IGF2BP2: variants seen among roughly 807,000 people sequenced by gnomAD.
IGF2BP2 encodes the protein insulin-like growth factor 2 mRNA-binding protein 2.
IGF2BP2 carries 17 observed loss-of-function variants against 75.8 expected under a neutral mutation model. The observed-to-expected ratio is 0.22, with a 90% CI of 0.15 to 0.34. The LOEUF is 0.34. Ranked by LOEUF, IGF2BP2 falls within the 10% of genes least tolerant of loss-of-function variation. The probability of loss-of-function intolerance (pLI) is 1.00; values close to 1 mark genes in which losing one functional copy is unlikely to be tolerated. For missense variants in IGF2BP2, 516 were observed against 772.4 expected (o/e 0.67, Z 3.93); for synonymous variants, 288 against 295.6 (o/e 0.97, Z 0.26).
intron 2 of IGF2BP2, among the ~76,000 whole-genome samples, chr3:185,817,912 G>C (rs1001171802): frequency 5.9e-5 from 9 of 152,164 alleles, no homozygotes; most frequent in Non-Finnish European, 1.3e-4. Flanking sequence ...GCTTTTGAGA[G>C]ATAATGCTTT....
At chr3:185,757,218 A>T (rs1731736088) in intron 2 of IGF2BP2, among the ~76,000 whole-genome samples, 1 of 152,148 alleles carries the variant, frequency 6.6e-6, no homozygotes, top group Non-Finnish European at 1.5e-5. Context: ...TTCAGCTCAA[A>T]TCCAACCTCT....
intron 10 of IGF2BP2, among the ~76,000 whole-genome samples, chr3:185,667,875 C>G (rs931698513): frequency 6.6e-6 from 1 of 152,148 alleles, no homozygotes; most frequent in Non-Finnish European, 1.5e-5. Flanking sequence ...TCCAAATGCG[C>G]GTGCTCACTT....
intron 2 of IGF2BP2, among the ~76,000 whole-genome samples, chr3:185,800,751 G>C (rs1014974839): frequency 2.1e-5 from 2 of 94,384 alleles, no homozygotes; most frequent in Non-Finnish European, 4.5e-5. Context: ...AGTACTTGCT[G>C]AATACCTGGG....
At chr3:185,700,964 C>T (rs770891142) in intron 2 of IGF2BP2, among the ~76,000 whole-genome samples, 1 of 152,168 alleles carries the variant, frequency 6.6e-6, no homozygotes, top group Non-Finnish European at 1.5e-5. Flanking sequence ...ATTGATCCTG[C>T]TTTTAAAAAG....
intron 10 of IGF2BP2, among the ~76,000 whole-genome samples, chr3:185,660,543 A>G (rs1374310881): frequency 6.6e-6 from 1 of 152,190 alleles, no homozygotes; most frequent in African/African-American, 2.4e-5. Context: ...ACAGAGCTCC[A>G]CTTAACACGG....
chr3:185,645,704 C>T lies in IGF2BP2; in HGVS notation c.1708-81G>A. ...CTGAGGACAAACGGCAGGGGAGGCTCTGGGGCTTGGGGATGAAGGGTGGAA... is the reference window on the plus strand; with the variant it reads ...CTGAGGACAAACGGCAGGGGAGGCTTTGGGGCTTGGGGATGAAGGGTGGAA... On this transcript the variant is annotated intron_variant, in intron 15 of 15. Coordinates refer to ENST00000382199, the MANE Select transcript of IGF2BP2 (RefSeq NM_006548.6). The surrounding 1 kb of genome is among the most constrained non-coding windows in gnomAD (Gnocchi z 4.9). The T allele has an allele frequency of 1.9e-6, 2 of 1,028,968 alleles. No individual in the cohort carries two copies. Among genetic ancestry groups the T allele is most frequent in the Non-Finnish European group, 3.1e-6 (2 of 653,248 alleles). The allele number at this position is 1,028,968 out of a possible 1,614,324, so 63.7% of individuals were successfully genotyped here.
intron 2 of IGF2BP2, among the ~76,000 whole-genome samples, chr3:185,730,301 G>A (rs552096688): frequency 2.0e-5 from 3 of 152,208 alleles, no homozygotes; most frequent in Middle Eastern, 3.4e-3. Context: ...TTGTATGGCT[G>A]CATAGTATTC....
chr3:185,648,774 T>C (rs1714051156), intron 14 of IGF2BP2, among the ~76,000 whole-genome samples: 1 of 152,126 alleles, frequency 6.6e-6, no homozygotes, highest in African/African-American at 2.4e-5. Context: ...CACCTTCCAG[T>C]AGAAAATGCA....
chr3:185,736,121 G>A (rs1044917609), intron 2 of IGF2BP2, among the ~76,000 whole-genome samples: 2 of 152,118 alleles, frequency 1.3e-5, no homozygotes, highest in Non-Finnish European at 2.9e-5. Flanking sequence ...CCAGTTTGTT[G>A]GATCAAATCC....
At chr3:185,773,195 C>A (rs1051289852) in intron 2 of IGF2BP2, among the ~76,000 whole-genome samples, 1 of 152,174 alleles carries the variant, frequency 6.6e-6, no homozygotes, top group Non-Finnish European at 1.5e-5. Context: ...CATTTTTATA[C>A]CTCCTAGGTG....
chr3:185,757,741 T>G (rs1195586204), intron 2 of IGF2BP2, among the ~76,000 whole-genome samples: 1 of 152,204 alleles, frequency 6.6e-6, no homozygotes, highest in Non-Finnish European at 1.5e-5. Context: ...AGATTACAGA[T>G]ATAAGCCACT....
At chr3:185,818,748 A>G (rs1238380666) in intron 2 of IGF2BP2, among the ~76,000 whole-genome samples, 1 of 152,220 alleles carries the variant, frequency 6.6e-6, no homozygotes, top group Non-Finnish European at 1.5e-5. Flanking sequence ...GCTTGAAAGT[A>G]TCAAATATAT....
At chr3:185,696,962 T>C (rs1722661897) in intron 3 of IGF2BP2, among the ~76,000 whole-genome samples, 1 of 152,204 alleles carries the variant, frequency 6.6e-6, no homozygotes, top group African/African-American at 2.4e-5. Flanking sequence ...ACACTACTCT[T>C]ACAATGAGAA....
intron 2 of IGF2BP2, among the ~76,000 whole-genome samples, chr3:185,709,796 T>A (rs1223991897): frequency 6.6e-6 from 1 of 152,120 alleles, no homozygotes; most frequent in Non-Finnish European, 1.5e-5. Flanking sequence ...GTATCTCCCA[T>A]TTCACACAAG....
At chr3:185,715,361 C>A (rs1404947381) in intron 2 of IGF2BP2, among the ~76,000 whole-genome samples, 1 of 152,162 alleles carries the variant, frequency 6.6e-6, no homozygotes, top group Non-Finnish European at 1.5e-5. Flanking sequence ...TGAGTTAAAC[C>A]ACGAGGGTGA....
intron 2 of IGF2BP2, among the ~76,000 whole-genome samples, chr3:185,820,206 G>A (rs1741158369): frequency 1.6e-5 from 2 of 125,730 alleles, no homozygotes; most frequent in South Asian, 4.9e-4. Flanking sequence ...CATGCAGTAT[G>A]TGTGTGTGTG....
At chr3:185,807,052 C>G (rs1739118818) in intron 2 of IGF2BP2, among the ~76,000 whole-genome samples, 1 of 152,012 alleles carries the variant, frequency 6.6e-6, no homozygotes, top group South Asian at 2.1e-4. Flanking sequence ...AGCAATCGGA[C>G]CTCACCCAGA....
At chr3:185,769,155 C>T (rs1216210658) in intron 2 of IGF2BP2, among the ~76,000 whole-genome samples, 1 of 152,048 alleles carries the variant, frequency 6.6e-6, no homozygotes, top group East Asian at 1.9e-4. Context: ...TCAGCCTGGG[C>T]AACACAGCAA....
intron 12 of IGF2BP2, among the ~76,000 whole-genome samples, chr3:185,653,948 C>T (rs915071098): frequency 4.6e-5 from 7 of 152,120 alleles, no homozygotes; most frequent in Non-Finnish European, 7.4e-5. Flanking sequence ...TGAGATCCTC[C>T]GGGAAGACCT....
Sources: gnomAD v4.1 joint callset for allele counts (sites outside exome capture counted in the v4.1 genomes callset) on GRCh38, gnomAD v4.1.1 for gene constraint, Gnocchi (gnomAD v3.1) non-coding constraint, MANE v1.5 for transcripts, NCBI Gene and HGNC (gene_info 2026-07-23, HGNC 2026-07-21) for gene names.